DPY30: variants seen among roughly 807,000 people sequenced by gnomAD.
The protein encoded by DPY30 is protein dpy-30 homolog.
In DPY30, 6 loss-of-function variants were observed where a neutral mutation model predicts 16.2. The observed-to-expected ratio is 0.37, with a 90% CI of 0.20 to 0.73. The LOEUF is 0.73. Among genes scored for constraint, DPY30 ranks in the 30% least tolerant of loss-of-function variants. DPY30 has a pLI of 0.51. For missense variants in DPY30, 73 were observed against 113.1 expected (o/e 0.65, Z 1.61); for synonymous variants, 39 against 38.8 (o/e 1.00, Z -0.02).
intron 3 of DPY30, among the ~76,000 whole-genome samples, chr2:32,038,508 C>T (rs1231344275): frequency 6.6e-6 from 1 of 151,718 alleles, no homozygotes; most frequent in Non-Finnish European, 1.5e-5. Context: ...CAGCCTCAAC[C>T]TCCCCAGCTC....
chr2:32,024,120 A>G lies in DPY30; in HGVS notation c.*64T>C. 6.4e-7 allele frequency: 1 copy of G among 1,573,718 alleles called. No homozygotes were observed. The highest frequency in any genetic ancestry group is 1.4e-5 in the African/African-American group (1 of 73,974). On this transcript the variant is annotated 3_prime_UTR_variant, in exon 5 of 5. Transcript: ENST00000342166. ...AAAAGAGGGAATGATCATGGCAATT[A>G]AAGCTGCCTCTTAATCATGTAAATC...
chr2:32,014,180 AC>A (rs1675020813), intron 5 of DPY30, among the ~76,000 whole-genome samples: 1 of 151,666 alleles, frequency 6.6e-6, no homozygotes, highest in Non-Finnish European at 1.5e-5. Context: ...ATACATACGC[AC>A]CCATTAAAAA....
chr2:32,024,023 A>G lies in DPY30; in HGVS notation c.*161T>C. 6.8e-7 allele frequency: 1 copy of G among 1,471,470 alleles called. No homozygotes were observed. Among genetic ancestry groups the G allele is most frequent in the Non-Finnish European group, 8.9e-7 (1 of 1,119,046 alleles). The allele number at this position is 1,471,470 out of a possible 1,614,324, so 91.2% of individuals were successfully genotyped here. ...GTATGGTTTATGGTGATTAAATCAAAATAAGGGAAATATGTTATCTTCTGC... is the reference window on the plus strand; with the variant it reads ...GTATGGTTTATGGTGATTAAATCAAGATAAGGGAAATATGTTATCTTCTGC... On this transcript the variant is annotated 3_prime_UTR_variant, in exon 5 of 5. Coordinates refer to ENST00000342166, the MANE Select transcript of DPY30 (RefSeq NM_001321209.2).
intron 4 of DPY30, among the ~76,000 whole-genome samples, chr2:32,029,187 A>C (rs1453787450): frequency 1.3e-5 from 2 of 151,806 alleles, no homozygotes; most frequent in Non-Finnish European, 2.9e-5. Context: ...CACAAGAATC[A>C]CTTGAAACCA....
At chr2:32,035,058 G>A (rs1490741567) in intron 3 of DPY30, among the ~76,000 whole-genome samples, 4 of 151,044 alleles carry the variant, frequency 2.6e-5, no homozygotes, top group Non-Finnish European at 5.9e-5. Context: ...GCAGTGAGCC[G>A]AGAGCACGCC....
downstream of DPY30, chr2:32,023,826 A>G (rs1266343597): frequency 7.7e-7 from 1 of 1,304,530 alleles, no homozygotes; most frequent in Non-Finnish European, 1.0e-6. Context: ...ATTTGAAGAC[A>G]GAAGAAAAAG....
At chr2:32,024,703 AAG>A (rs997485499) in intron 4 of DPY30, among the ~76,000 whole-genome samples, 1 of 152,220 alleles carries the variant, frequency 6.6e-6, no homozygotes, top group African/African-American at 2.4e-5. Flanking sequence ...CCTTCAATAA[AAG>A]AACAAAAATA....
chr2:32,028,945 C>A (rs1177326643), intron 4 of DPY30, among the ~76,000 whole-genome samples: 1 of 151,810 alleles, frequency 6.6e-6, no homozygotes, highest in Non-Finnish European at 1.5e-5. Context: ...GCCAGGGAGA[C>A]ATAGCAAGAC....
chr2:32,023,836 G>C, downstream of DPY30: 1 of 1,307,232 alleles, frequency 7.6e-7, no homozygotes, highest in Non-Finnish European at 1.0e-6. Flanking sequence ...AGAAGAAAAA[G>C]AGAAATTCAT....
chr2:32,016,540 C>G (rs1174656583), intron 5 of DPY30, among the ~76,000 whole-genome samples: 1 of 152,188 alleles, frequency 6.6e-6, no homozygotes, highest in Non-Finnish European at 1.5e-5. Context: ...ACTGTACCTT[C>G]TCCTAAATGA....
chr2:32,027,360 T>A (rs1192611824), intron 4 of DPY30, among the ~76,000 whole-genome samples: 2 of 149,692 alleles, frequency 1.3e-5, no homozygotes, highest in Non-Finnish European at 3.0e-5. Context: ...TGAAACCCCA[T>A]CTCTACTAAA....
chr2:32,024,296 C>A, intron 4 of DPY30, 40 bp from the exon 5 acceptor site: 1 of 1,408,684 alleles, frequency 7.1e-7, no homozygotes, highest in Non-Finnish European at 9.9e-7. Context: ...AAATATATTT[C>A]CTAGGTGTGT....
Position 32,012,420 on chromosome 2 carries a change from T to A in DPY30, n.378-368A>T, listed in dbSNP as rs1674964793. Among the ~76,000 whole-genome samples the A allele has an allele frequency of 3.9e-5, 3 of 77,180 alleles. No individual in the cohort carries two copies. In the South Asian group the frequency reaches 1.4e-3, roughly 35 times the overall value. The allele number at this position is 77,180 out of a possible 152,430, so 50.6% of individuals were successfully genotyped here. ...GTATCCAAAACCTCTCTCTTTTTTCTTTTTTTTTTTTTTTTTTTTTTTTTT... is the reference window on the plus strand; with the variant it reads ...GTATCCAAAACCTCTCTCTTTTTTCATTTTTTTTTTTTTTTTTTTTTTTTT... On this transcript the variant is annotated intron_variant and non_coding_transcript_variant, in intron 5 of 5. Transcript: ENST00000414013.
chr2:32,015,571 G>A (rs568882064), intron 5 of DPY30, among the ~76,000 whole-genome samples: 1 of 152,210 alleles, frequency 6.6e-6, no homozygotes, highest in South Asian at 2.1e-4. Flanking sequence ...TAAGGAGCCA[G>A]GCACAGTGGC....
Position 32,025,191 on chromosome 2 carries a change from C to G in DPY30, c.228-935G>C, listed in dbSNP as rs544688050. On this transcript the variant is annotated intron_variant, in intron 4 of 4. Transcript: ENST00000342166. Reference sequence around the variant, plus strand: ...CTTAAAAAATGTATTTGGGGCCAGGCGCAGTGGCTCATGCCTGTAATCCCA... The same window carrying G: ...CTTAAAAAATGTATTTGGGGCCAGGGGCAGTGGCTCATGCCTGTAATCCCA... Among the ~76,000 whole-genome samples, 5 of 152,224 alleles carry G rather than the reference C, an allele frequency of 3.3e-5. No individual in the cohort carries two copies. In the East Asian group the frequency reaches 9.6e-4, roughly 29 times the overall value.
chr2:32,029,637 C>G lies in DPY30; in HGVS notation c.184G>C (p.Val62Leu), dbSNP rs959791970. 1.9e-6 allele frequency: 3 copies of G among 1,613,822 alleles called. No homozygotes were observed. Among genetic ancestry groups the G allele is most frequent in the Non-Finnish European group, 2.5e-6 (3 of 1,180,000 alleles). The change falls in exon 4 of 5, where the codon GTG becomes CTG. Residue 62 changes from valine to leucine, a missense_variant. This residue lies in a region of DPY30 where 52 missense variants were observed against 71.5 expected (regional missense o/e 0.73). Transcript: ENST00000342166. Reference protein sequence around the residue: ...PTRAYLDQTVVPILLQGLAVL... With the variant: ...PTRAYLDQTVLPILLQGLAVL... Reference sequence around the variant, plus strand: ...GCAAGTCCCTGTAATAAGATAGGCACAACTGTCTGATCCAGGTAGGCACGA... The same window carrying G: ...GCAAGTCCCTGTAATAAGATAGGCAGAACTGTCTGATCCAGGTAGGCACGA...
chr2:32,038,538 GC>G, intron 3 of DPY30, among the ~76,000 whole-genome samples: 1 of 151,030 alleles, frequency 6.6e-6, no homozygotes. Context: ...TCTCACTCCA[GC>G]CCAGGAGTTA....
intron 3 of DPY30, among the ~76,000 whole-genome samples, chr2:32,037,172 G>A (rs939323010): frequency 2.0e-5 from 3 of 152,226 alleles, no homozygotes; most frequent in Non-Finnish European, 4.4e-5. Flanking sequence ...CTTTGGGCAG[G>A]AGGAAAATGA....
intron 5 of DPY30, among the ~76,000 whole-genome samples, chr2:32,014,225 G>A (rs1396773426): frequency 6.6e-6 from 1 of 152,098 alleles, no homozygotes; most frequent in Non-Finnish European, 1.5e-5. Flanking sequence ...GCTCATGCCT[G>A]TAATCCCAGC....
Sources: allele counts gnomAD v4.1 joint callset (sites outside exome capture counted in the v4.1 genomes callset), GRCh38; gene constraint gnomAD v4.1.1; regional missense constraint gnomAD v4.1.1; transcripts MANE v1.5; gene names NCBI Gene and HGNC (gene_info 2026-07-23, HGNC 2026-07-21).